EYS: variants seen among roughly 807,000 people sequenced by gnomAD.
EYS encodes the protein EGF-like photoreceptor maintenance factor.
A neutral mutation model predicts 282.1 loss-of-function variants in EYS; 250 were observed. That is an observed-to-expected ratio of 0.89 (90% CI 0.80 to 0.98). The LOEUF (loss-of-function observed/expected upper bound fraction) is 0.98, where lower values mean the gene tolerates loss of function less well. Among genes scored for constraint, EYS ranks in the 50% least tolerant of loss-of-function variants. The probability of loss-of-function intolerance (pLI) is 0.00; values close to 1 mark genes in which losing one functional copy is unlikely to be tolerated. For synonymous variants in EYS, 1,355 were observed against 1,282.9 expected, an observed-to-expected ratio of 1.06 and a Z score of -1.20; for missense variants, 4,016 against 3,709.0, an observed-to-expected ratio of 1.08 and a Z score of -2.15.
At chr6:65,195,725 A>T (rs1258632219) in intron 12 of EYS, among the ~76,000 whole-genome samples, 1 of 152,060 alleles carries the variant, frequency 6.6e-6, no homozygotes, top group East Asian at 1.9e-4. Flanking sequence ...CACCACCTCC[A>T]TGTATCACTA....
At chr6:65,048,388 C>T (rs1364125048) in intron 13 of EYS, among the ~76,000 whole-genome samples, 2 of 151,876 alleles carry the variant, frequency 1.3e-5, no homozygotes, top group East Asian at 3.9e-4. Context: ...TCACATTGGA[C>T]TGTCCAATCC....
chr6:65,314,203 T>C (rs1434285520), intron 11 of EYS, among the ~76,000 whole-genome samples: 1 of 151,832 alleles, frequency 6.6e-6, no homozygotes, highest in Non-Finnish European at 1.5e-5. Flanking sequence ...TGTTACCTTC[T>C]CAATGATCAC....
chr6:65,601,056 C>T (rs939299312), intron 2 of EYS, among the ~76,000 whole-genome samples: 4 of 151,638 alleles, frequency 2.6e-5, no homozygotes, highest in Non-Finnish European at 4.4e-5. Context: ...ATACACGTTG[C>T]TTATTATGAA....
chr6:65,055,657 C>T (rs1044403606), intron 13 of EYS, among the ~76,000 whole-genome samples: 12 of 151,968 alleles, frequency 7.9e-5, no homozygotes, highest in Non-Finnish European at 1.3e-4. Flanking sequence ...ATGACCTTAA[C>T]AGATTTGAGA....
chr6:65,029,819 A>G (rs1772539641), intron 13 of EYS, among the ~76,000 whole-genome samples: 1 of 152,094 alleles, frequency 6.6e-6, no homozygotes, highest in African/African-American at 2.4e-5. Context: ...GAAGATGGAT[A>G]CCCGGGGCTG....
At chr6:64,067,807 GT>G (rs1042216115) in intron 32 of EYS, among the ~76,000 whole-genome samples, 75 of 152,218 alleles carry the variant, frequency 4.9e-4, no homozygotes, top group African/African-American at 1.6e-3. Context: ...TCAATGTTAT[GT>G]TTGAGAGATA....
intron 30 of EYS, among the ~76,000 whole-genome samples, chr6:64,291,966 C>A (rs1450641254): frequency 2.0e-5 from 3 of 152,056 alleles, no homozygotes; most frequent in African/African-American, 7.2e-5. Flanking sequence ...ATGGCTTATA[C>A]ACAATATCAT....
chr6:64,376,152 T>G (rs1582670124), intron 29 of EYS, among the ~76,000 whole-genome samples: 1 of 152,178 alleles, frequency 6.6e-6, no homozygotes, highest in East Asian at 1.9e-4. Context: ...GCAGTAAAAA[T>G]AAGATAATAT....
intron 12 of EYS, among the ~76,000 whole-genome samples, chr6:65,194,285 AT>A (rs1765712698): frequency 6.6e-6 from 1 of 151,964 alleles, no homozygotes; most frequent in South Asian, 2.1e-4. Flanking sequence ...AGTGTATTCC[AT>A]TACTACAGTT....
Position 64,388,825 on chromosome 6 carries a change from T to A in EYS, c.5943A>T (p.Pro1981=). 6.6e-7 allele frequency: 1 copy of A among 1,521,240 alleles called. No homozygotes were observed. The highest frequency in any genetic ancestry group is 1.3e-5 in the South Asian group (1 of 76,524). 94.2% of individuals were successfully genotyped at this position (1,521,240 alleles called of 1,614,324 possible). A position where few individuals can be genotyped will look rare whatever the true frequency, so the allele number is the denominator to read the frequency against. ...CTAAAATAGTCAGCTCAGCGTTACATGGATCCAATTCTTGCCTGTAACCAT... is the reference window on the plus strand; with the variant it reads ...CTAAAATAGTCAGCTCAGCGTTACAAGGATCCAATTCTTGCCTGTAACCAT... The part of the protein sequence containing the change: ...YTLLIRQELD[P]CNAELTILGR... Residue 1981 remains proline (P), a synonymous_variant, in exon 29 of 43, where the codon CCA becomes CCT. Transcript: ENST00000503581.
At chr6:64,986,822 C>A (rs1255026014) in intron 14 of EYS, among the ~76,000 whole-genome samples, 2 of 147,718 alleles carry the variant, frequency 1.4e-5, no homozygotes, top group Non-Finnish European at 3.0e-5. Context: ...ATAACTCAGA[C>A]CAAAAATTCT....
intron 39 of EYS, chr6:63,779,476 C>T (rs1340832755): frequency 1.3e-5 from 2 of 148,438 alleles, no homozygotes; most frequent in Non-Finnish European, 3.0e-5. Context: ...ACCAAACAAA[C>T]AAAAATAACT....
At chr6:63,984,111 C>T (rs10080916) in intron 35 of EYS, among the ~76,000 whole-genome samples, 294 of 151,718 alleles carry the variant, frequency 1.9e-3, no homozygotes, top group African/African-American at 6.6e-3. Flanking sequence ...TAGATAAAGA[C>T]GTGGATTCAT....
intron 36 of EYS, among the ~76,000 whole-genome samples, chr6:63,812,559 G>A (rs1771075777): frequency 6.6e-6 from 1 of 152,080 alleles, no homozygotes; most frequent in Non-Finnish European, 1.5e-5. Context: ...TTCCACTAGG[G>A]CAGAGAGCTT....
rs114001770 is a variant in EYS at position 64,532,060 on chromosome 6, A to T, written c.5644+58163T>A. On this transcript the variant is annotated intron_variant, in intron 26 of 42. Coordinates refer to ENST00000503581, the MANE Select transcript of EYS (RefSeq NM_001142800.2). ...TGCAATTGTCTCCAGCAGCTGTCCA[A>T]AGTCTAGAAACAGGCTTCAGGACAG... 8.0e-3 allele frequency among the ~76,000 whole-genome samples: 1,213 copies of T among 152,280 alleles called. 13 individuals carry two copies. The highest frequency in any genetic ancestry group is 0.027 in the African/African-American group (1,125 of 41,540).
At chr6:64,011,807 A>T (rs1285069643) in intron 33 of EYS, among the ~76,000 whole-genome samples, 1 of 152,190 alleles carries the variant, frequency 6.6e-6, no homozygotes, top group Non-Finnish European at 1.5e-5. Context: ...AACAGTAAGA[A>T]AACTGAACAG....
intron 2 of EYS, among the ~76,000 whole-genome samples, chr6:65,550,151 T>TCATGGCATCTCAAACTTG (rs1768559827): frequency 4.7e-5 from 1 of 21,170 alleles, no homozygotes; most frequent in Non-Finnish European, 7.0e-5. Flanking sequence ...ATCTTTTTTT[T>TCATGGCATCTCAAACTTG]TTTTTTTTTT....
At chr6:64,772,182 T>A (rs1244806891) in intron 22 of EYS, among the ~76,000 whole-genome samples, 1 of 151,688 alleles carries the variant, frequency 6.6e-6, no homozygotes, top group African/African-American at 2.4e-5. Flanking sequence ...ACTAATCTGT[T>A]TTTAGGGAAT....
intron 22 of EYS, among the ~76,000 whole-genome samples, chr6:64,719,285 T>A (rs547294714): frequency 2.9e-4 from 44 of 152,148 alleles, no homozygotes; most frequent in Admixed American, 5.9e-4. Context: ...AACAAGTCCA[T>A]CCATACTTCT....
Sources: gnomAD v4.1 joint callset for allele counts (sites outside exome capture counted in the v4.1 genomes callset) on GRCh38, gnomAD v4.1.1 for gene constraint, MANE v1.5 for transcripts, NCBI Gene and HGNC (gene_info 2026-07-23, HGNC 2026-07-21) for gene names.